RNF150: variants seen among roughly 807,000 people sequenced by gnomAD.
RNF150 encodes the protein ring finger protein 150.
In RNF150, 24 loss-of-function variants were observed where a neutral mutation model predicts 39.3. The observed-to-expected ratio is 0.61, with a 90% CI of 0.44 to 0.86. RNF150 has a LOEUF of 0.86. RNF150 is among the 40% of genes least tolerant of loss of function. The probability of loss-of-function intolerance (pLI) is 0.00; values close to 1 mark genes in which losing one functional copy is unlikely to be tolerated. For synonymous variants in RNF150, 255 were observed against 227.3 expected (o/e 1.12, Z -1.10); for missense variants, 502 against 587.8 (o/e 0.85, Z 1.51).
At chr4:140,970,193 A>G (rs939291771) in intron 1 of RNF150, among the ~76,000 whole-genome samples, 1 of 152,212 alleles carries the variant, frequency 6.6e-6, no homozygotes, top group African/African-American at 2.4e-5. Flanking sequence ...ATAGCTTCTC[A>G]AAACCTTACA....
At chr4:141,174,535 C>T (rs960904093) in intron 1 of RNF150, among the ~76,000 whole-genome samples, 3 of 152,132 alleles carry the variant, frequency 2.0e-5, no homozygotes, top group Non-Finnish European at 4.4e-5. Context: ...AGAACCAGAT[C>T]GTGTGCTGTT....
chr4:141,205,708 A>G (rs1728363511), intron 1 of RNF150, among the ~76,000 whole-genome samples: 1 of 152,194 alleles, frequency 6.6e-6, no homozygotes, highest in Admixed American at 6.5e-5. Context: ...CAATACCTTC[A>G]TATCCCACAG....
At chr4:140,892,790 T>A (rs983947672) in intron 6 of RNF150, among the ~76,000 whole-genome samples, 1 of 151,716 alleles carries the variant, frequency 6.6e-6, no homozygotes, top group Non-Finnish European at 1.5e-5. Context: ...GCTGGTGTAG[T>A]GTGGCTCATG....
chr4:140,922,879 C>T (rs78104549), intron 5 of RNF150, among the ~76,000 whole-genome samples: 2 of 150,916 alleles, frequency 1.3e-5, no homozygotes, highest in African/African-American at 5.0e-5. Context: ...AAAGGATTCC[C>T]TATTTAATAA....
At chr4:141,192,723 G>A (rs1728129993) in intron 1 of RNF150, among the ~76,000 whole-genome samples, 2 of 152,294 alleles carry the variant, frequency 1.3e-5, no homozygotes, top group South Asian at 4.1e-4. Context: ...ACAACACCCT[G>A]CCAGGGTATA....
At chr4:140,872,061 T>A (rs1202589894) in intron 6 of RNF150, among the ~76,000 whole-genome samples, 1 of 152,238 alleles carries the variant, frequency 6.6e-6, no homozygotes, top group African/African-American at 2.4e-5. Flanking sequence ...TCTAAGTATG[T>A]TCTATGTTTT....
At chr4:141,030,281 CAA>C (rs4019263) in intron 1 of RNF150, among the ~76,000 whole-genome samples, 88,274 of 148,046 alleles carry the variant, frequency 0.6, 26,744 homozygotes, top group Non-Finnish European at 0.67. Context: ...TAATGGCTAT[CAA>C]AAAAAAAAAA....
chr4:141,021,909 C>T (rs906332621), intron 1 of RNF150, among the ~76,000 whole-genome samples: 4 of 152,154 alleles, frequency 2.6e-5, no homozygotes, highest in African/African-American at 9.7e-5. Flanking sequence ...GTGCAGAAAT[C>T]AAAAGGGAAA....
rs192411840 is a variant in RNF150, at chr4:140,880,584, T to C, written c.1199-12205A>G. 4.6e-5 allele frequency among the ~76,000 whole-genome samples: 7 copies of C among 151,880 alleles called. No homozygotes were observed. In the East Asian group the frequency reaches 7.7e-4, roughly 17 times the overall value. On this transcript the variant is annotated intron_variant, in intron 6 of 6. Coordinates refer to ENST00000515673, the MANE Select transcript of RNF150 (RefSeq NM_020724.2). ...TGGAAGAGTTTGAGAAGAACTGTCA[T>C]AAATTCTTTTTTAAATGTTTGGGAT... is the stretch of plus-strand genomic sequence containing the variant.
chr4:140,906,898 A>G (rs1484742259), intron 6 of RNF150, among the ~76,000 whole-genome samples: 1 of 152,188 alleles, frequency 6.6e-6, no homozygotes, highest in East Asian at 1.9e-4. Flanking sequence ...TGACTCAGTA[A>G]GGGGAATAAG....
chr4:141,140,254 T>C (rs1727096094), intron 1 of RNF150, among the ~76,000 whole-genome samples: 1 of 152,260 alleles, frequency 6.6e-6, no homozygotes, highest in Non-Finnish European at 1.5e-5. Context: ...ATAGGATACC[T>C]TGCTAAAAAT....
chr4:141,185,018 T>TTG (rs902505868), intron 1 of RNF150, among the ~76,000 whole-genome samples: 3 of 151,446 alleles, frequency 2.0e-5, no homozygotes, highest in South Asian at 4.2e-4. Flanking sequence ...GCTCATTTTT[T>TTG]TTTGTTTCCA....
intron 1 of RNF150, among the ~76,000 whole-genome samples, chr4:141,049,737 T>C (rs968629988): frequency 1.3e-5 from 2 of 152,160 alleles, no homozygotes; most frequent in African/African-American, 4.8e-5. Context: ...TCCACTGTTG[T>C]AAATTCATCT....
intron 1 of RNF150, among the ~76,000 whole-genome samples, chr4:141,020,389 C>G (rs1435997596): frequency 6.6e-6 from 1 of 152,102 alleles, no homozygotes; most frequent in Non-Finnish European, 1.5e-5. Flanking sequence ...GTGGTATAAC[C>G]TGCACAAGAG....
At chr4:141,000,102 A>AAGG (rs1313176117) in intron 1 of RNF150, among the ~76,000 whole-genome samples, 2 of 146,536 alleles carry the variant, frequency 1.4e-5, no homozygotes, top group East Asian at 2.0e-4. Context: ...GAAGAAGAAG[A>AAGG]AGAAGAGGAG....
chr4:141,073,378 T>C (rs1737777306), intron 1 of RNF150, among the ~76,000 whole-genome samples: 1 of 152,108 alleles, frequency 6.6e-6, no homozygotes, highest in Non-Finnish European at 1.5e-5. Context: ...ACAGGCCTCA[T>C]CCCCAGAGTA....
chr4:140,919,257 C>T (rs1394447466), intron 5 of RNF150, among the ~76,000 whole-genome samples: 121 of 143,142 alleles, frequency 8.5e-4, no homozygotes, highest in African/African-American at 2.8e-3. Context: ...TCCCTGTTTG[C>T]AGATGACATG....
At chr4:141,175,761 C>G (rs1419200963) in intron 1 of RNF150, among the ~76,000 whole-genome samples, 1 of 152,178 alleles carries the variant, frequency 6.6e-6, no homozygotes. Flanking sequence ...GCTGGAAGTT[C>G]AAGATCAAGT....
At chr4:140,900,197 A>G (rs1730139367) in intron 6 of RNF150, among the ~76,000 whole-genome samples, 1 of 152,200 alleles carries the variant, frequency 6.6e-6, no homozygotes, top group South Asian at 2.1e-4. Flanking sequence ...TTGCTGCTTT[A>G]TTCATAGAGC....
Sources: allele counts gnomAD v4.1 joint callset (sites outside exome capture counted in the v4.1 genomes callset), GRCh38; gene constraint gnomAD v4.1.1; transcripts MANE v1.5; gene names NCBI Gene and HGNC (gene_info 2026-07-23, HGNC 2026-07-21).